The following GPRC5D variants were observed in gnomAD, a reference collection of about 807,000 sequenced individuals.
GPRC5D encodes G protein-coupled receptor family C group 5 member D.
GPRC5D carries 20 observed loss-of-function variants against 29.3 expected under a neutral mutation model. The ratio of observed to expected loss-of-function variants is 0.68; its 90% CI spans 0.48 to 0.99. The LOEUF (loss-of-function observed/expected upper bound fraction) is 0.99. Ranked by LOEUF, GPRC5D falls within the 50% of genes least tolerant of loss-of-function variation. The probability of loss-of-function intolerance (pLI) is 0.00; values close to 1 mark genes in which losing one functional copy is unlikely to be tolerated. For synonymous variants in GPRC5D, 178 were observed against 171.3 expected, an observed-to-expected ratio of 1.04 and a Z score of -0.30; for missense variants, 384 against 423.6, an observed-to-expected ratio of 0.91 and a Z score of 0.82.
intron 1 of GPRC5D, among the ~76,000 whole-genome samples, chr12:12,945,883 C>G (rs565002225): frequency 3.3e-5 from 5 of 152,236 alleles, no homozygotes; most frequent in Non-Finnish European, 7.4e-5. Context: ...TTTAAAAGTC[C>G]AATCAATATA....
rs531501434 is a variant in GPRC5D at position 12,948,381 on chromosome 12, A to C, written c.895+1109T>G. ...CAACTTTTGGTCAACTGAACTGAAA[A>C]GAATCAATGGATGTATTTATCTGAA... On this transcript the variant is annotated intron_variant, in intron 1 of 2. Transcript: ENST00000228887. 14 of 154,434 alleles carry C rather than the reference A, an allele frequency of 9.1e-5. No homozygotes were observed. The South Asian group carries it at 2.6e-3, about 29-fold the overall frequency. The allele number at this position is 154,434 out of a possible 1,614,324, so 9.6% of individuals were successfully genotyped here. A position where few individuals can be genotyped will look rare whatever the true frequency, so the allele number is the denominator to read the frequency against.
At chr12:12,949,275 C>T (rs1863426038) in intron 1 of GPRC5D, among the ~76,000 whole-genome samples, 1 of 152,132 alleles carries the variant, frequency 6.6e-6, no homozygotes, top group Admixed American at 6.5e-5. Context: ...CTTGGTCTCT[C>T]CCCATAAAGC....
chr12:12,944,614 CGTT>C (rs1863228011), intron 1 of GPRC5D: 1 of 151,970 alleles, frequency 6.6e-6, no homozygotes, highest in Non-Finnish European at 1.5e-5. Context: ...GTTTTATACT[CGTT>C]GATCCGTTTT....
chr12:12,946,823 A>G (rs1472463192), intron 1 of GPRC5D, among the ~76,000 whole-genome samples: 2 of 152,166 alleles, frequency 1.3e-5, no homozygotes, highest in Admixed American at 6.5e-5. Context: ...TTCTGGTCTC[A>G]TAACCCAGTG....
At chr12:12,941,807 G>A (rs1863153858) in intron 2 of GPRC5D, among the ~76,000 whole-genome samples, 1 of 152,108 alleles carries the variant, frequency 6.6e-6, no homozygotes, top group Non-Finnish European at 1.5e-5. Flanking sequence ...CAGTTCTTAG[G>A]GCAGCCTGGG....
intron 1 of GPRC5D, chr12:12,947,325 A>C (rs1217585089): frequency 6.6e-6 from 1 of 152,150 alleles, no homozygotes; most frequent in East Asian, 1.9e-4. Flanking sequence ...TCTAGCTCTT[A>C]ACCTATTTCG....
In GPRC5D at chr12:12,949,478, C is replaced by T. The variant is rs990366493; in HGVS notation, c.895+12G>A. 3 of 1,602,396 alleles carry T rather than the reference C, an allele frequency of 1.9e-6. No homozygotes were observed. The highest frequency in any genetic ancestry group is 2.7e-5 in the African/African-American group (2 of 74,592). ...AGCACCTCCCTGCTCCCTGAATCCCCCAGGAATGTACCTCTGGAGAGCTCC... is the reference window on the plus strand; with the variant it reads ...AGCACCTCCCTGCTCCCTGAATCCCTCAGGAATGTACCTCTGGAGAGCTCC... On this transcript the variant is annotated intron_variant, in intron 1 of 2. Transcript: ENST00000228887.
downstream of GPRC5D, chr12:12,940,714 A>C: frequency 2.0e-6 from 2 of 980,232 alleles, no homozygotes; most frequent in East Asian, 2.4e-5. Flanking sequence ...CCCGTGGGCT[A>C]TCAGGGCTAT....
chr12:12,940,978 C>T (rs1211120737), intron 2 of GPRC5D, 129 bp from the exon 4 acceptor site: 1 of 593,824 alleles, frequency 1.7e-6, no homozygotes, highest in Non-Finnish European at 3.1e-6. Context: ...GTGGTGTGAT[C>T]TGGGCTCACT....
At chr12:12,941,211 C>A (rs548779002) in intron 2 of GPRC5D, among the ~76,000 whole-genome samples, 1 of 152,180 alleles carries the variant, frequency 6.6e-6, no homozygotes, top group East Asian at 1.9e-4. Context: ...GTGCCAGGCC[C>A]TAAAGTTATG....
intron 1 of GPRC5D, 45 bp downstream of exon 2, chr12:12,949,445 C>T: frequency 6.6e-7 from 1 of 1,510,648 alleles, no homozygotes; most frequent in Non-Finnish European, 9.0e-7. Context: ...TCCTGCTTCT[C>T]CTGTAGGAGC....
At position 12,949,477 on chromosome 12, in the gene GPRC5D, C is replaced by T; in HGVS notation, c.895+13G>A. 1 of 1,601,596 alleles carries T rather than the reference C, an allele frequency of 6.2e-7. No individual in the cohort carries two copies. The highest frequency in any genetic ancestry group is 1.1e-5 in the South Asian group (1 of 89,778). The stretch of plus-strand genomic sequence containing the variant: ...GAGCACCTCCCTGCTCCCTGAATCC[C>T]CCAGGAATGTACCTCTGGAGAGCTC... On this transcript the variant is annotated intron_variant, in intron 1 of 2. Transcript: ENST00000228887.
At chr12:12,947,049 C>T (rs151094537) in intron 1 of GPRC5D, 9 of 152,238 alleles carry the variant, frequency 5.9e-5, no homozygotes, top group Admixed American at 3.3e-4. Context: ...GATGTTATAC[C>T]CTTTAATCAT....
At chr12:12,950,167 A>G in exon 1 of GPRC5D, 1 of 1,614,012 alleles carries the variant, frequency 6.2e-7, no homozygotes, top group Non-Finnish European at 8.5e-7. Context: ...GAGTCCGAAG[A>G]GCCCCAGGAC....
chr12:12,949,939 G>A, exon 1 of GPRC5D: 1 of 1,613,702 alleles, frequency 6.2e-7, no homozygotes, highest in Non-Finnish European at 8.5e-7. Flanking sequence ...CATGATGAGA[G>A]TCACATACTC....
At chr12:12,943,506 G>T (rs578052784) in intron 1 of GPRC5D, among the ~76,000 whole-genome samples, 1 of 152,314 alleles carries the variant, frequency 6.6e-6, no homozygotes, top group African/African-American at 2.4e-5. Flanking sequence ...TGAGGATTAT[G>T]TAAAATGTTA....
At chr12:12,950,138 CGAT>C (rs1300202299) in exon 1 of GPRC5D, 3 of 1,613,856 alleles carry the variant, frequency 1.9e-6, no homozygotes, top group East Asian at 2.2e-5. Flanking sequence ...TGATTGAGCT[CGAT>C]GATGAAGGCA....
chr12:12,946,459 T>C (rs1863349479), intron 1 of GPRC5D, among the ~76,000 whole-genome samples: 1 of 151,142 alleles, frequency 6.6e-6, no homozygotes, highest in Non-Finnish European at 1.5e-5. Flanking sequence ...TCTCTCTTTC[T>C]CTCTTTCTTT....
chr12:12,951,758 T>C (rs920433620), upstream of GPRC5D, among the ~76,000 whole-genome samples: 1 of 152,222 alleles, frequency 6.6e-6, no homozygotes, highest in Non-Finnish European at 1.5e-5. Flanking sequence ...GACAGGCAGA[T>C]AAATTACTGG....
Sources: gnomAD v4.1 joint callset for allele counts (sites outside exome capture counted in the v4.1 genomes callset) on GRCh38, gnomAD v4.1.1 for gene constraint, MANE v1.5 for transcripts, NCBI Gene and HGNC (gene_info 2026-07-23, HGNC 2026-07-21) for gene names.